Variants in CAMK2B observed in about 807,000 individuals in gnomAD.
CAMK2B encodes the protein calcium/calmodulin-dependent protein kinase type II subunit beta.
A neutral mutation model predicts 93.7 loss-of-function variants in CAMK2B; 27 were observed. The ratio of observed to expected loss-of-function variants is 0.29; its 90% CI spans 0.21 to 0.40. CAMK2B has a LOEUF of 0.40. Among genes scored for constraint, CAMK2B ranks in the 10% least tolerant of loss-of-function variants. The pLI is 1.00. For synonymous variants in CAMK2B, 374 were observed against 358.8 expected (o/e 1.04, Z -0.48); for missense variants, 568 against 895.8 (o/e 0.63, Z 4.67).
chr7:44,302,936 G>T (rs1320321685), intron 1 of CAMK2B, among the ~76,000 whole-genome samples: 1 of 152,000 alleles, frequency 6.6e-6, no homozygotes, highest in East Asian at 1.9e-4. Context: ...GGAAATAAAA[G>T]ATACACTTAT....
chr7:44,236,201 C>CA (rs1296796608), intron 13 of CAMK2B, among the ~76,000 whole-genome samples: 1 of 152,220 alleles, frequency 6.6e-6, no homozygotes, highest in African/African-American at 2.4e-5. Flanking sequence ...GCCTGCTGAC[C>CA]ACCCCCTCCC....
At chr7:44,309,791 G>C (rs1308803188) in intron 1 of CAMK2B, among the ~76,000 whole-genome samples, 1 of 152,224 alleles carries the variant, frequency 6.6e-6, no homozygotes, top group Non-Finnish European at 1.5e-5. Flanking sequence ...AACTGGGGAC[G>C]AGAGAGATTC....
intron 3 of CAMK2B, among the ~76,000 whole-genome samples, chr7:44,260,349 C>G (rs1202593219): frequency 6.6e-6 from 1 of 152,172 alleles, no homozygotes; most frequent in Non-Finnish European, 1.5e-5. Context: ...GGGCCTAGGC[C>G]TCACCTTGCA....
intron 1 of CAMK2B, among the ~76,000 whole-genome samples, chr7:44,288,801 C>T (rs2129129542): frequency 6.6e-6 from 1 of 152,216 alleles, no homozygotes; most frequent in East Asian, 1.9e-4. Flanking sequence ...CCTGTTTCTA[C>T]GACTGCACCT....
chr7:44,259,362 A>T (rs2096860704), intron 3 of CAMK2B: 1 of 185,516 alleles, frequency 5.4e-6, no homozygotes. Flanking sequence ...AGCTGGGACA[A>T]AAACCACTCA....
intron 19 of CAMK2B, among the ~76,000 whole-genome samples, chr7:44,228,426 G>A (rs2096541277): frequency 6.6e-6 from 1 of 152,130 alleles, no homozygotes; most frequent in Non-Finnish European, 1.5e-5. Flanking sequence ...CCCTGGGTGG[G>A]TGTGAAGTCT....
chr7:44,252,163 C>A (rs1420075861), intron 5 of CAMK2B, among the ~76,000 whole-genome samples: 2 of 152,070 alleles, frequency 1.3e-5, no homozygotes, highest in South Asian at 4.1e-4. Context: ...CTGGAGGGAA[C>A]TGGCCTGGTG....
chr7:44,300,020 CTGTGTGTGTGTGTGTGTGTG>C (rs143590426), intron 1 of CAMK2B, among the ~76,000 whole-genome samples: 1 of 141,630 alleles, frequency 7.1e-6, no homozygotes, highest in African/African-American at 2.7e-5. Context: ...GTGTATGTGT[CTGTGTGTGTGTGTGTGTGTG>C]TGTGTGTGTG....
chr7:44,254,122 T>A (rs892930274), intron 5 of CAMK2B, among the ~76,000 whole-genome samples: 1 of 152,080 alleles, frequency 6.6e-6, no homozygotes. Flanking sequence ...CCAGCTGACA[T>A]CTGCCATCCC....
intron 13 of CAMK2B, among the ~76,000 whole-genome samples, chr7:44,237,537 C>T (rs1268544003): frequency 6.6e-6 from 1 of 152,226 alleles, no homozygotes; most frequent in African/African-American, 2.4e-5. Context: ...GCCTTGGGCG[C>T]AGTGTGGGGT....
intron 3 of CAMK2B, among the ~76,000 whole-genome samples, chr7:44,259,913 G>A (rs991187551): frequency 2.0e-5 from 3 of 152,098 alleles, no homozygotes; most frequent in Non-Finnish European, 2.9e-5. Flanking sequence ...CAACCACCCC[G>A]AGAAGTTACA....
intron 13 of CAMK2B, among the ~76,000 whole-genome samples, chr7:44,239,094 T>TG (rs994873737): frequency 6.6e-6 from 1 of 152,158 alleles, no homozygotes; most frequent in Non-Finnish European, 1.5e-5. Context: ...CGGCTTGTCC[T>TG]GGGGGGATGC....
rs992317720 is a variant in CAMK2B at position 44,229,341 on chromosome 7, C to T, written c.1339+47G>A. 5.9e-6 allele frequency: 8 copies of T among 1,350,666 alleles called. No homozygotes were observed. In the Admixed American group the frequency reaches 1.6e-4, roughly 28 times the overall value. 83.7% of individuals were successfully genotyped at this position (1,350,666 alleles called of 1,614,324 possible). On this transcript the variant is annotated intron_variant, in intron 18 of 23. Transcript: ENST00000395749. The stretch of plus-strand genomic sequence containing the variant: ...TGGAGTGGCCCCTCTAGGGGGTTGC[C>T]AGCCCTCCAACATGACCCCCACAGC...
At chr7:44,229,076 G>T in intron 18 of CAMK2B, 152 bp from the exon 19 acceptor site, 1 of 766,712 alleles carries the variant, frequency 1.3e-6, no homozygotes, top group Non-Finnish European at 2.3e-6. Flanking sequence ...ATAGCAGGGA[G>T]CCCCCCCGCC....
chr7:44,297,709 T>G (rs968227709), intron 1 of CAMK2B, among the ~76,000 whole-genome samples: 1 of 152,064 alleles, frequency 6.6e-6, no homozygotes. Context: ...ATGGCTTTTT[T>G]GCAGGGAAAA....
At chr7:44,242,193 A>AC (rs770898229) in intron 10 of CAMK2B, 25 bp downstream of exon 10, 41 of 1,603,728 alleles carry the variant, frequency 2.6e-5, no homozygotes, top group Non-Finnish European at 3.5e-5. Flanking sequence ...CCCCCTCCCC[A>AC]CCATGGGCAC....
intron 1 of CAMK2B, among the ~76,000 whole-genome samples, chr7:44,307,532 G>A (rs540044383): frequency 2.0e-5 from 3 of 152,096 alleles, no homozygotes; most frequent in Admixed American, 6.5e-5. Flanking sequence ...CTGGCACTGG[G>A]AATGGTCTGC....
At chr7:44,279,994 C>T (rs1382429087) in intron 2 of CAMK2B, among the ~76,000 whole-genome samples, 6 of 152,202 alleles carry the variant, frequency 3.9e-5, no homozygotes, top group Admixed American at 2.0e-4. Context: ...CCACCCAGCA[C>T]ACAGCGTCGT....
chr7:44,250,716 G>A (rs779314915), intron 5 of CAMK2B, among the ~76,000 whole-genome samples: 4 of 152,096 alleles, frequency 2.6e-5, no homozygotes, highest in Admixed American at 1.3e-4. Flanking sequence ...TTTTAATAGA[G>A]ACGGGGTTTC....
Sources: allele counts gnomAD v4.1 joint callset (sites outside exome capture counted in the v4.1 genomes callset), GRCh38; gene constraint gnomAD v4.1.1; transcripts MANE v1.5; gene names NCBI Gene and HGNC (gene_info 2026-07-23, HGNC 2026-07-21).